CDKAL1: variants seen among roughly 807,000 people sequenced by gnomAD.
CDKAL1 encodes threonylcarbamoyladenosine tRNA methylthiotransferase.
In CDKAL1, 32 loss-of-function variants were observed where a neutral mutation model predicts 68.2. The ratio of observed to expected loss-of-function variants is 0.47; its 90% CI spans 0.35 to 0.63. The LOEUF (loss-of-function observed/expected upper bound fraction) is 0.63. Among genes scored for constraint, CDKAL1 ranks in the 30% least tolerant of loss-of-function variants. The pLI, the probability that CDKAL1 is intolerant of heterozygous loss-of-function variation, is 0.00. For synonymous variants in CDKAL1, 234 were observed against 244.3 expected, an observed-to-expected ratio of 0.96 and a Z score of 0.39; for missense variants, 606 against 696.7, an observed-to-expected ratio of 0.87 and a Z score of 1.47.
At chr6:20,708,567 T>G (rs1771706125) in intron 5 of CDKAL1, among the ~76,000 whole-genome samples, 1 of 152,188 alleles carries the variant, frequency 6.6e-6, no homozygotes, top group African/African-American at 2.4e-5. Context: ...TTCTTTTGGT[T>G]TGAAGTAGGT....
chr6:21,187,102 A>G (rs9465988), intron 13 of CDKAL1, among the ~76,000 whole-genome samples: 40,824 of 152,030 alleles, frequency 0.27, 6,091 homozygotes, highest in African/African-American at 0.4. Flanking sequence ...GCACTGGTGT[A>G]TGTTTGATAA....
chr6:20,980,701 A>T (rs1033914640), intron 10 of CDKAL1, among the ~76,000 whole-genome samples: 2 of 152,122 alleles, frequency 1.3e-5, no homozygotes, highest in South Asian at 4.1e-4. Context: ...AAAAAAGGCA[A>T]CTTCACGTGT....
chr6:20,952,403 G>A (rs1210552194), intron 9 of CDKAL1, among the ~76,000 whole-genome samples: 1 of 152,130 alleles, frequency 6.6e-6, no homozygotes, highest in Non-Finnish European at 1.5e-5. Context: ...GTCTAAGGCT[G>A]TGTTCATGAA....
At chr6:21,011,262 T>A (rs950425517) in intron 11 of CDKAL1, among the ~76,000 whole-genome samples, 13 of 150,986 alleles carry the variant, frequency 8.6e-5, no homozygotes, top group Admixed American at 6.6e-4. Context: ...CGGGCACCTG[T>A]AGTCCCAGCT....
chr6:21,205,882 T>C (rs1450019899), intron 15 of CDKAL1, among the ~76,000 whole-genome samples: 1 of 131,816 alleles, frequency 7.6e-6, no homozygotes, highest in African/African-American at 3.0e-5. Flanking sequence ...TCGCCCAGGC[T>C]GGAGTGCAGT....
intron 10 of CDKAL1, among the ~76,000 whole-genome samples, chr6:20,989,988 A>G (rs899448481): frequency 1.3e-5 from 2 of 152,186 alleles, no homozygotes; most frequent in Non-Finnish European, 2.9e-5. Flanking sequence ...CACATCTGTA[A>G]TCCTAGCACT....
At chr6:20,644,548 C>T (rs1028174671) in intron 4 of CDKAL1, among the ~76,000 whole-genome samples, 2 of 152,026 alleles carry the variant, frequency 1.3e-5, no homozygotes, top group Non-Finnish European at 2.9e-5. Context: ...GGTGTGATGG[C>T]GGGTGCCTGT....
At chr6:20,559,426 T>C (rs1764184621) in intron 4 of CDKAL1, 1 of 152,222 alleles carries the variant, frequency 6.6e-6, no homozygotes, top group Non-Finnish European at 1.5e-5. Flanking sequence ...GCAATTAAAG[T>C]ATTTTGATAA....
intron 5 of CDKAL1, among the ~76,000 whole-genome samples, chr6:20,724,821 A>G (rs1051832583): frequency 3.3e-5 from 5 of 152,184 alleles, no homozygotes; most frequent in African/African-American, 1.2e-4. Flanking sequence ...CCAAGTATGC[A>G]TTTTCCTTCA....
intron 5 of CDKAL1, among the ~76,000 whole-genome samples, chr6:20,667,746 T>C (rs1769620527): frequency 6.6e-6 from 1 of 152,180 alleles, no homozygotes; most frequent in Admixed American, 6.6e-5. Context: ...ATTTCTTTCC[T>C]GTGTGTACTT....
At chr6:21,084,868 C>T (rs940462204) in intron 12 of CDKAL1, among the ~76,000 whole-genome samples, 1 of 152,168 alleles carries the variant, frequency 6.6e-6, no homozygotes, top group Non-Finnish European at 1.5e-5. Flanking sequence ...GACATTAAGG[C>T]TTGGCAGAGA....
At chr6:20,599,212 T>A (rs9465826) in intron 4 of CDKAL1, among the ~76,000 whole-genome samples, 3,004 of 152,200 alleles carry the variant, frequency 0.02, 92 homozygotes, top group African/African-American at 0.068. Flanking sequence ...GTACATATTA[T>A]AAGTTTTTTC....
chr6:21,104,323 C>G (rs1237136800), intron 12 of CDKAL1, among the ~76,000 whole-genome samples: 1 of 152,120 alleles, frequency 6.6e-6, no homozygotes, highest in Non-Finnish European at 1.5e-5. Flanking sequence ...TTGGAACTGT[C>G]CATTGAGCAA....
chr6:20,995,968 C>T (rs1363257362), intron 10 of CDKAL1, among the ~76,000 whole-genome samples: 1 of 152,228 alleles, frequency 6.6e-6, no homozygotes, highest in Non-Finnish European at 1.5e-5. Context: ...GCTAAGTCTT[C>T]TGGATAATTT....
At chr6:20,984,107 A>G (rs1219301671) in intron 10 of CDKAL1, among the ~76,000 whole-genome samples, 3 of 152,244 alleles carry the variant, frequency 2.0e-5, no homozygotes, top group African/African-American at 7.2e-5. Flanking sequence ...GAGACAATGA[A>G]TGTGACTCAG....
chr6:21,184,614 A>G (rs977929911), intron 13 of CDKAL1, among the ~76,000 whole-genome samples: 1 of 152,104 alleles, frequency 6.6e-6, no homozygotes, highest in Non-Finnish European at 1.5e-5. Context: ...GCATTAAAAT[A>G]TCTCACCTTA....
At position 20,853,119 on chromosome 6, in the gene CDKAL1, G is replaced by A. The variant is rs544471578; in HGVS notation, c.742+6941G>A. Among the ~76,000 whole-genome samples the A allele has an allele frequency of 2.0e-4, 30 of 152,272 alleles. No homozygotes were observed. In the East Asian group the frequency reaches 2.5e-3, roughly 13 times the overall value. ...TGATAGACCAGTCGTGGTGGCTCAC[G>A]CCTGTAATCCCAGCACTTTGAGAGG... On this transcript the variant is annotated intron_variant, in intron 9 of 15. Transcript: ENST00000274695.
intron 13 of CDKAL1, among the ~76,000 whole-genome samples, chr6:21,194,455 C>T (rs545595882): frequency 6.6e-6 from 1 of 152,302 alleles, no homozygotes; most frequent in Admixed American, 6.5e-5. Flanking sequence ...TAGTGGACTA[C>T]CTCTGCCATT....
At chr6:20,704,487 G>A (rs749942506) in intron 5 of CDKAL1, among the ~76,000 whole-genome samples, 2 of 152,176 alleles carry the variant, frequency 1.3e-5, no homozygotes, top group Non-Finnish European at 2.9e-5. Flanking sequence ...CACTGGGGGA[G>A]GAATGTGCTT....
Sources: gnomAD v4.1 joint callset for allele counts (sites outside exome capture counted in the v4.1 genomes callset) on GRCh38, gnomAD v4.1.1 for gene constraint, MANE v1.5 for transcripts, NCBI Gene and HGNC (gene_info 2026-07-23, HGNC 2026-07-21) for gene names.